Variants in NRXN3 observed in about 807,000 individuals in gnomAD.
The protein encoded by NRXN3 is neurexin III.
In NRXN3, 32 loss-of-function variants were observed where a neutral mutation model predicts 137.6. The ratio of observed to expected loss-of-function variants is 0.23; its 90% CI spans 0.18 to 0.31. NRXN3 has a LOEUF of 0.31. Among genes scored for constraint, NRXN3 ranks in the 10% least tolerant of loss-of-function variants. The pLI, the probability that NRXN3 is intolerant of heterozygous loss-of-function variation, is 1.00. For missense variants in NRXN3, 1,574 were observed against 2,062.5 expected (o/e 0.76, Z 4.59); for synonymous variants, 798 against 784.5 (o/e 1.02, Z -0.29).
chr14:79,265,900 G>C (rs1356793008), intron 15 of NRXN3, among the ~76,000 whole-genome samples: 4 of 152,106 alleles, frequency 2.6e-5, no homozygotes, highest in African/African-American at 9.7e-5. Context: ...GGAATCTACA[G>C]TAAATACTTT....
chr14:78,860,784 G>A (rs1179837962), intron 10 of NRXN3, among the ~76,000 whole-genome samples: 1 of 152,054 alleles, frequency 6.6e-6, no homozygotes, highest in Non-Finnish European at 1.5e-5. Flanking sequence ...TTGTCTTCAT[G>A]TTGAGCAGGT....
At chr14:79,431,561 A>G (rs1014783396) in intron 15 of NRXN3, among the ~76,000 whole-genome samples, 4 of 152,178 alleles carry the variant, frequency 2.6e-5, no homozygotes, top group East Asian at 1.9e-4. Flanking sequence ...TTAAAACTGT[A>G]TTGACAGCCT....
chr14:78,803,932 C>T (rs1189988861), intron 9 of NRXN3, 109 bp downstream of exon 9: 1 of 1,040,960 alleles, frequency 9.6e-7, no homozygotes, highest in African/African-American at 1.6e-5. Flanking sequence ...AAGTTAGCTG[C>T]TCACCTCTTG....
chr14:78,565,008 A>G (rs2096824334), intron 4 of NRXN3, among the ~76,000 whole-genome samples: 1 of 152,188 alleles, frequency 6.6e-6, no homozygotes, highest in African/African-American at 2.4e-5. Flanking sequence ...GGCACTTGGT[A>G]TATACTATCT....
rs776681581 is a variant in NRXN3 at position 79,586,555 on chromosome 14, G to A, written c.3445-77223G>A. 2.3e-3 allele frequency among the ~76,000 whole-genome samples: 348 copies of A among 151,976 alleles called. 1 individual carries two copies. Among genetic ancestry groups the A allele is most frequent in the Non-Finnish European group, 3.2e-3 (218 of 67,902 alleles). On this transcript the variant is annotated intron_variant, in intron 16 of 20. Transcript: ENST00000335750. Reference sequence around the variant, plus strand: ...CCAGTGGAGTCTGATTTGGCCTGGCGGGTGTAGTGAAACATTAACTACACC... The same window carrying A: ...CCAGTGGAGTCTGATTTGGCCTGGCAGGTGTAGTGAAACATTAACTACACC...
intron 15 of NRXN3, among the ~76,000 whole-genome samples, chr14:79,224,037 C>T (rs925452820): frequency 6.6e-6 from 1 of 152,082 alleles, no homozygotes; most frequent in African/African-American, 2.4e-5. Context: ...GATTCATCAG[C>T]AATAGGGCAA....
chr14:78,451,534 G>T (rs1260580964), intron 4 of NRXN3, among the ~76,000 whole-genome samples: 1 of 152,200 alleles, frequency 6.6e-6, no homozygotes, highest in Non-Finnish European at 1.5e-5. Context: ...CTAATCCAAA[G>T]TTGTGAAACA....
intron 15 of NRXN3, among the ~76,000 whole-genome samples, chr14:79,047,058 T>C (rs1262457507): frequency 6.6e-6 from 1 of 151,884 alleles, no homozygotes; most frequent in African/African-American, 2.4e-5. Context: ...GTCTCTGCTA[T>C]GTAATAAGTG....
intron 19 of NRXN3, among the ~76,000 whole-genome samples, chr14:79,727,017 G>T (rs528307889): frequency 6.6e-6 from 1 of 152,274 alleles, no homozygotes; most frequent in Admixed American, 6.5e-5. Flanking sequence ...ACCTAGCATA[G>T]TATCTGGCAG....
intron 4 of NRXN3, among the ~76,000 whole-genome samples, chr14:78,590,359 G>A (rs905221056): frequency 6.6e-6 from 1 of 152,212 alleles, no homozygotes; most frequent in African/African-American, 2.4e-5. Context: ...TTGAGTCCCA[G>A]TAAATGACTT....
chr14:78,438,172 C>T (rs1449317609), intron 4 of NRXN3, among the ~76,000 whole-genome samples: 2 of 152,124 alleles, frequency 1.3e-5, no homozygotes, highest in Non-Finnish European at 2.9e-5. Context: ...AAATAATCCT[C>T]AGGTTTCTAT....
At chr14:78,803,574 T>C in intron 8 of NRXN3, 46 bp from the exon 9 acceptor site, 2 of 1,583,722 alleles carry the variant, frequency 1.3e-6, no homozygotes, top group Non-Finnish European at 8.7e-7. Context: ...ATTTGGCAAC[T>C]GTGACATCCG....
intron 1 of NRXN3, among the ~76,000 whole-genome samples, chr14:78,218,941 C>T (rs748794796): frequency 2.6e-5 from 4 of 152,256 alleles, no homozygotes; most frequent in Non-Finnish European, 5.9e-5. Flanking sequence ...CTTCTGAGGC[C>T]TCTCTCCTTG....
At chr14:79,711,865 G>T (rs974878445) in intron 19 of NRXN3, among the ~76,000 whole-genome samples, 3 of 152,158 alleles carry the variant, frequency 2.0e-5, no homozygotes, top group Non-Finnish European at 4.4e-5. Flanking sequence ...GAGCTGGGGG[G>T]ATCTATCAAG....
At chr14:79,294,871 C>T (rs1221239719) in intron 15 of NRXN3, among the ~76,000 whole-genome samples, 2 of 152,162 alleles carry the variant, frequency 1.3e-5, no homozygotes, top group Non-Finnish European at 2.9e-5. Context: ...TAAAATGATA[C>T]TTAGATCTAT....
chr14:78,389,051 A>C (rs1200706666), intron 4 of NRXN3, among the ~76,000 whole-genome samples: 1 of 104,632 alleles, frequency 9.6e-6, no homozygotes, highest in African/African-American at 3.7e-5. Context: ...AAAATGTTTA[A>C]GTTTCTTTTT....
chr14:79,286,275 C>G (rs2153452487), intron 15 of NRXN3, among the ~76,000 whole-genome samples: 1 of 152,212 alleles, frequency 6.6e-6, no homozygotes, highest in Admixed American at 6.5e-5. Context: ...TGCTCTTTGC[C>G]TTTCCTGAAA....
At chr14:79,834,588 G>A (rs1425496997) in intron 20 of NRXN3, among the ~76,000 whole-genome samples, 2 of 152,044 alleles carry the variant, frequency 1.3e-5, no homozygotes, top group Non-Finnish European at 2.9e-5. Context: ...TTTGATTCTA[G>A]TAAACCATAA....
intron 4 of NRXN3, among the ~76,000 whole-genome samples, chr14:78,326,792 AGAT>A (rs1012713071): frequency 6.6e-6 from 1 of 152,188 alleles, no homozygotes; most frequent in Non-Finnish European, 1.5e-5. Context: ...GAACACATAA[AGAT>A]GATTACTGCC....
Sources: allele counts gnomAD v4.1 joint callset (sites outside exome capture counted in the v4.1 genomes callset), GRCh38; gene constraint gnomAD v4.1.1; transcripts MANE v1.5; gene names NCBI Gene and HGNC (gene_info 2026-07-23, HGNC 2026-07-21).